Variants in STXBP5 observed in about 807,000 individuals in gnomAD.
The protein encoded by STXBP5 is syntaxin-binding protein 5.
Under a neutral mutation model 152.4 loss-of-function variants are expected in STXBP5, and 50 were observed. That is an observed-to-expected ratio of 0.33 (90% CI 0.26 to 0.42). The LOEUF is 0.42. Among genes scored for constraint, STXBP5 ranks in the 10% least tolerant of loss-of-function variants. The probability of loss-of-function intolerance (pLI) is 1.00; values close to 1 mark genes in which losing one functional copy is unlikely to be tolerated. For missense variants in STXBP5, 1,167 were observed against 1,388.6 expected, an observed-to-expected ratio of 0.84 and a Z score of 2.54; for synonymous variants, 492 against 494.7, an observed-to-expected ratio of 0.99 and a Z score of 0.07.
intron 8 of STXBP5, among the ~76,000 whole-genome samples, chr6:147,287,176 A>C (rs1488129306): frequency 6.7e-6 from 1 of 150,084 alleles, no homozygotes; most frequent in Non-Finnish European, 1.5e-5. Context: ...CTATAGTTCA[A>C]TAATAACTTA....
chr6:147,260,042 C>G (rs1779569572), intron 4 of STXBP5, among the ~76,000 whole-genome samples: 1 of 152,036 alleles, frequency 6.6e-6, no homozygotes, highest in Admixed American at 6.6e-5. Flanking sequence ...GATCTCAGTC[C>G]TTCAAAAGGC....
chr6:147,314,706 A>G, intron 14 of STXBP5, 70 bp downstream of exon 14: 1 of 1,146,922 alleles, frequency 8.7e-7, no homozygotes. Flanking sequence ...CCTGTTTTAT[A>G]ATAATTGCAT....
chr6:147,301,935 T>G (rs761379046), intron 9 of STXBP5, among the ~76,000 whole-genome samples: 3 of 152,164 alleles, frequency 2.0e-5, no homozygotes, highest in Non-Finnish European at 4.4e-5. Flanking sequence ...GTGACTATTA[T>G]AGCTTTGTGT....
chr6:147,208,727 TTGAC>T (rs1276623289), intron 2 of STXBP5, among the ~76,000 whole-genome samples: 1 of 152,094 alleles, frequency 6.6e-6, no homozygotes, highest in Admixed American at 6.5e-5. Flanking sequence ...TGTATGTAAT[TTGAC>T]TGATGAATAT....
intron 4 of STXBP5, among the ~76,000 whole-genome samples, chr6:147,243,120 C>T (rs1234934506): frequency 6.6e-6 from 1 of 152,140 alleles, no homozygotes; most frequent in African/African-American, 2.4e-5. Flanking sequence ...AGTGCTATTG[C>T]TGGATCATAT....
chr6:147,335,582 A>C (rs1245845163), intron 19 of STXBP5, among the ~76,000 whole-genome samples: 1 of 152,202 alleles, frequency 6.6e-6, no homozygotes, highest in Non-Finnish European at 1.5e-5. Flanking sequence ...GGATACATCT[A>C]GCCCTTTGAA....
intron 17 of STXBP5, among the ~76,000 whole-genome samples, chr6:147,325,527 C>T (rs1783203479): frequency 6.6e-6 from 1 of 152,130 alleles, no homozygotes; most frequent in Non-Finnish European, 1.5e-5. Context: ...AAAAGCATGA[C>T]AATAATTAAT....
At chr6:147,343,165 T>G (rs1784167379) in intron 21 of STXBP5, among the ~76,000 whole-genome samples, 1 of 152,166 alleles carries the variant, frequency 6.6e-6, no homozygotes, top group Admixed American at 6.5e-5. Flanking sequence ...ATACCAGGTA[T>G]TCTTTATGTG....
At chr6:147,206,779 A>AT (rs1254966865) in intron 2 of STXBP5, among the ~76,000 whole-genome samples, 1 of 152,122 alleles carries the variant, frequency 6.6e-6, no homozygotes, top group Non-Finnish European at 1.5e-5. Flanking sequence ...TTTATCAAGC[A>AT]TTTTTTTAAA....
chr6:147,225,264 A>G (rs73582516), intron 2 of STXBP5, among the ~76,000 whole-genome samples: 1,534 of 152,256 alleles, frequency 0.01, 16 homozygotes, highest in African/African-American at 0.035. Flanking sequence ...AACATATACT[A>G]TTATAGGATA....
chr6:147,373,248 C>T (rs1386487824), intron 25 of STXBP5, among the ~76,000 whole-genome samples: 1 of 151,348 alleles, frequency 6.6e-6, no homozygotes, highest in Non-Finnish European at 1.5e-5. Context: ...TGCCTGTAAT[C>T]CCAGCTAGTC....
At chr6:147,341,723 T>C (rs2128399254) in intron 21 of STXBP5, among the ~76,000 whole-genome samples, 1 of 152,050 alleles carries the variant, frequency 6.6e-6, no homozygotes, top group South Asian at 2.1e-4. Context: ...GCAGTCACAA[T>C]TTAATGGTTA....
intron 16 of STXBP5, among the ~76,000 whole-genome samples, chr6:147,323,961 T>C (rs1352671383): frequency 6.6e-6 from 1 of 152,186 alleles, no homozygotes; most frequent in Non-Finnish European, 1.5e-5. Context: ...CTTCTCACTT[T>C]TACTACACAC....
At chr6:147,355,658 C>A (rs1370369412) in intron 22 of STXBP5, among the ~76,000 whole-genome samples, 1 of 152,076 alleles carries the variant, frequency 6.6e-6, no homozygotes, top group Non-Finnish European at 1.5e-5. Flanking sequence ...TCATTCTGAG[C>A]AAGTCACTTA....
intron 17 of STXBP5, among the ~76,000 whole-genome samples, chr6:147,326,665 A>G (rs149605358): frequency 7.9e-5 from 12 of 152,358 alleles, no homozygotes; most frequent in African/African-American, 2.4e-4. Flanking sequence ...AGGTATTTAG[A>G]ACACCCCAAA....
chr6:147,212,716 CT>C (rs1287194458), intron 2 of STXBP5, among the ~76,000 whole-genome samples: 3 of 152,112 alleles, frequency 2.0e-5, no homozygotes, highest in African/African-American at 7.2e-5. Flanking sequence ...TGTCCATTGA[CT>C]ACATTCATAA....
chr6:147,359,707 G>A (rs914943528), intron 23 of STXBP5, among the ~76,000 whole-genome samples: 1 of 148,108 alleles, frequency 6.8e-6, no homozygotes, highest in Middle Eastern at 3.4e-3. Context: ...GAGAATATGT[G>A]GTGTTTGGTT....
chr6:147,245,675 T>C (rs760028479), intron 4 of STXBP5, among the ~76,000 whole-genome samples: 1 of 152,174 alleles, frequency 6.6e-6, no homozygotes, highest in Non-Finnish European at 1.5e-5. Flanking sequence ...AATGGAGTCT[T>C]GGCAGATGTA....
chr6:147,300,814 C>A (rs570533304), intron 9 of STXBP5, among the ~76,000 whole-genome samples: 3 of 151,886 alleles, frequency 2.0e-5, no homozygotes, highest in Admixed American at 6.6e-5. Context: ...GGAATTACAT[C>A]CAATTAAAAA....
Sources: gnomAD v4.1 joint callset for allele counts (sites outside exome capture counted in the v4.1 genomes callset) on GRCh38, gnomAD v4.1.1 for gene constraint, MANE v1.5 for transcripts, NCBI Gene and HGNC (gene_info 2026-07-23, HGNC 2026-07-21) for gene names.